Variants in CTR9 observed in about 807,000 individuals in gnomAD.
The protein encoded by CTR9 is CTR9 component of Paf1/RNA polymerase II complex.
A neutral mutation model predicts 152.1 loss-of-function variants in CTR9; 41 were observed. The ratio of observed to expected loss-of-function variants is 0.27; its 90% confidence interval spans 0.21 to 0.35. The LOEUF is 0.35. Among genes scored for constraint, CTR9 ranks in the 10% least tolerant of loss-of-function variants. CTR9 has a pLI of 1.00. For synonymous variants in CTR9, 476 were observed against 496.2 expected, an observed-to-expected ratio of 0.96 and a Z score of 0.54; for missense variants, 917 against 1,424.4, an observed-to-expected ratio of 0.64 and a Z score of 5.73.
chr11:10,773,840 G>GC (rs1863184224), intron 21 of CTR9, among the ~76,000 whole-genome samples, 172 bp from the exon 22 acceptor site: 1 of 139,658 alleles, frequency 7.2e-6, no homozygotes, highest in Non-Finnish European at 1.5e-5. Flanking sequence ...AGCCGAGATT[G>GC]CCCCACTGCA....
Position 10,775,239 on chromosome 11 carries a change from A to G in CTR9, c.2918A>G (p.Asp973Gly). 1.2e-6 allele frequency: 2 copies of G among 1,614,136 alleles called. No homozygotes were observed. Among genetic ancestry groups the G allele is most frequent in the Non-Finnish European group, 1.7e-6 (2 of 1,180,008 alleles). Residue 973 changes from aspartate to glycine, a missense_variant, in exon 23 of 25, where the codon GAT becomes GGT. By Grantham distance (94) the Asp-to-Gly change is moderately conservative. Around this residue, in one of 9 missense-constraint regions of CTR9, gnomAD observed 384 missense variants for 398.4 expected, o/e 0.96. Coordinates refer to ENST00000361367, the MANE Select transcript of CTR9 (RefSeq NM_014633.5). ...AAGGGAGAAGAAGGATCTGATGATG[A>G]TGAAACAGAAAATGGCCCCAAACCA... ...HPKGEEGSDD[D>G]ETENGPKPKK...
At chr11:10,773,000 C>T (rs1346626184) in intron 20 of CTR9, 127 bp from the exon 21 acceptor site, 9 of 1,092,596 alleles carry the variant, frequency 8.2e-6, no homozygotes, top group Admixed American at 7.4e-5. Flanking sequence ...GTACTCCAGT[C>T]TAGGCAACAG....
chr11:10,770,994 G>A (rs966810949), intron 18 of CTR9, among the ~76,000 whole-genome samples: 1 of 152,152 alleles, frequency 6.6e-6, no homozygotes, highest in African/African-American at 2.4e-5. Flanking sequence ...CACTTACGTT[G>A]GTCTTCCATT....
rs72259410 is a variant in CTR9, at chr11:10,775,729, CTTTCTT to C, written c.3095+104_3095+109del. ...TCTGTACTAAGAAAAATATACTTTTCTTTCTTTTTCTTTATAAATAATAAGAGGGGT... is the reference window on the plus strand; with the variant it reads ...TCTGTACTAAGAAAAATATACTTTTCTTTCTTTATAAATAATAAGAGGGGT... On this transcript the variant is annotated intron_variant, in intron 24 of 24. Transcript: ENST00000361367. The C allele has an allele frequency of 0.62, 417,296 of 675,158 alleles. 134,070 individuals carry two copies. The highest frequency in any genetic ancestry group is 0.84 in the East Asian group (27,862 of 33,070). The allele number at this position is 675,158 out of a possible 1,614,324, so 41.8% of individuals were successfully genotyped here.
At position 10,772,658 on chromosome 11, in the gene CTR9, A is replaced by G. The variant is rs769995820; in HGVS notation, c.2580+3A>G. ...GGCAGAAACTTCTTAAAGAACAGGT[A>G]TCTTGTATTTTCCAGTTATACTGGA... On this transcript the variant is annotated splice_donor_region_variant and intron_variant, in intron 20 of 24. Coordinates refer to ENST00000361367, the MANE Select transcript of CTR9 (RefSeq NM_014633.5). 14 of 1,591,656 alleles carry G rather than the reference A, an allele frequency of 8.8e-6. No individual in the cohort carries two copies. Among genetic ancestry groups the G allele is most frequent in the Non-Finnish European group, 1.1e-5 (13 of 1,171,906 alleles).
In CTR9 at chr11:10,763,462, A is replaced by G; in HGVS notation, c.881A>G (p.His294Arg). Residue 294 changes from histidine to arginine, a missense_variant, in exon 8 of 25, where the codon CAT becomes CGT. His to Arg is a conservative substitution (Grantham distance 29, BLOSUM62 0). This residue lies in a region of CTR9 where 16 missense variants were observed against 67.4 expected (regional missense o/e 0.24). Coordinates refer to ENST00000361367, the MANE Select transcript of CTR9 (RefSeq NM_014633.5). ...DYSKVQHLALHAFHNTEVEAM... is the reference protein window; with the variant it reads ...DYSKVQHLALRAFHNTEVEAM... Reference sequence around the variant, plus strand: ...AGTAAAGTCCAGCATCTGGCCCTCCATGCATTCCATAATACAGAAGTGGAA... The same window carrying G: ...AGTAAAGTCCAGCATCTGGCCCTCCGTGCATTCCATAATACAGAAGTGGAA... 1 of 1,612,960 alleles carries G rather than the reference A, an allele frequency of 6.2e-7. No homozygotes were observed. The highest frequency in any genetic ancestry group is 8.5e-7 in the Non-Finnish European group (1 of 1,179,676).
chr11:10,762,527 A>G (rs1466678821), intron 7 of CTR9, among the ~76,000 whole-genome samples: 2 of 152,204 alleles, frequency 1.3e-5, no homozygotes, highest in African/African-American at 4.8e-5. Flanking sequence ...GAAATAGTGT[A>G]TAATATACTT....
chr11:10,775,505 G>A lies in CTR9; in HGVS notation c.2983-16G>A. 3.1e-6 allele frequency: 5 copies of A among 1,598,532 alleles called. No individual in the cohort carries two copies. Among genetic ancestry groups the A allele is most frequent in the Non-Finnish European group, 4.3e-6 (5 of 1,168,238 alleles). On this transcript the variant is annotated splice_polypyrimidine_tract_variant and intron_variant, in intron 23 of 24. Coordinates refer to ENST00000361367, the MANE Select transcript of CTR9 (RefSeq NM_014633.5). ...GTAAGAGTCTTGACTAATCTATTAT[G>A]TTTGACATTCTTTAGCCCAAGCCAG...
chr11:10,761,958 TA>T lies in CTR9; in HGVS notation c.758del (p.Asn253MetfsTer20). On this transcript the variant is annotated frameshift_variant, in exon 7 of 25. Coordinates refer to ENST00000361367, the MANE Select transcript of CTR9 (RefSeq NM_014633.5). LOFTEE classifies it high-confidence loss of function. ...ELNNKEADSIKNGVQLLSRAY... is the reference protein window; with the variant it reads ...ELNNKEADSIXNGVQLLSRAY... Reference sequence around the variant, plus strand: ...ATGTTTTCTTTTAGGCTGATTCCATTAAAAATGGTGTCCAGCTTCTTTCCAG... The same window carrying T: ...ATGTTTTCTTTTAGGCTGATTCCATTAAAATGGTGTCCAGCTTCTTTCCAG... 6.2e-7 allele frequency: 1 copy of T among 1,606,270 alleles called. No homozygotes were observed. The highest frequency in any genetic ancestry group is 1.7e-5 in the Admixed American group (1 of 58,690).
At chr11:10,766,346 T>G in intron 12 of CTR9, 56 bp from the exon 13 acceptor site, 1 of 1,345,716 alleles carries the variant, frequency 7.4e-7, no homozygotes, top group Non-Finnish European at 1.0e-6. Flanking sequence ...GACTTTAAAA[T>G]TATGATCCTT....
intron 22 of CTR9, among the ~76,000 whole-genome samples, chr11:10,774,779 G>T (rs1351057097): frequency 6.6e-6 from 1 of 152,096 alleles, no homozygotes; most frequent in East Asian, 1.9e-4. Flanking sequence ...GACTATATTT[G>T]GGAAAGAACC....
In CTR9 at chr11:10,767,937, C is replaced by A; in HGVS notation, c.1818C>A (p.Ala606=). The A allele has an allele frequency of 2.5e-6, 4 of 1,614,068 alleles. No homozygotes were observed. The highest frequency in any genetic ancestry group is 2.5e-6 in the Non-Finnish European group (3 of 1,180,000). ...STQSDTYSML[A]LGNVWLQTLH... ...AGAGTGATACCTATTCTATGCTAGC[C>A]CTTGGCAACGTGTGGCTCCAAACTT... is the stretch of plus-strand genomic sequence containing the variant. The change falls in exon 14 of 25, where the codon GCC becomes GCA. Residue 606 remains alanine, a synonymous_variant. Coordinates refer to ENST00000361367, the MANE Select transcript of CTR9 (RefSeq NM_014633.5). This position sits in a 1 kb window ranked among gnomAD's most constrained non-coding sequence, Gnocchi z 4.0.
intron 12 of CTR9, among the ~76,000 whole-genome samples, chr11:10,765,569 C>A (rs548484475): frequency 6.6e-6 from 1 of 152,228 alleles, no homozygotes; most frequent in Admixed American, 6.5e-5. Flanking sequence ...TGGAGTGATT[C>A]TCCTGCCTCA....
At chr11:10,761,137 A>T (rs1180918318) in intron 6 of CTR9, among the ~76,000 whole-genome samples, 3 of 152,122 alleles carry the variant, frequency 2.0e-5, no homozygotes, top group African/African-American at 7.2e-5. Flanking sequence ...GAATGTTTTA[A>T]CAGCATCCCG....
rs1312211774 is a variant in CTR9, at chr11:10,758,067, TAGAG to T, written c.592+1235_592+1238del. 3.9e-5 allele frequency among the ~76,000 whole-genome samples: 6 copies of T among 152,026 alleles called. No individual in the cohort carries two copies. In the South Asian group the frequency reaches 8.3e-4, roughly 21 times the overall value. ...AGTAAGGAGGCCATTGTTTCTGGAA[TAGAG>T]AGAGAAAGAGTTGGGGGGAAAGTAG... On this transcript the variant is annotated intron_variant, in intron 5 of 24. Transcript: ENST00000361367.
chr11:10,776,864 T>A (rs1049378247), intron 24 of CTR9, among the ~76,000 whole-genome samples: 1 of 146,566 alleles, frequency 6.8e-6, no homozygotes, highest in Non-Finnish European at 1.5e-5. Context: ...TCCCAGCTAC[T>A]AGGGAGGCTG....
chr11:10,775,682 A>G, intron 24 of CTR9, 49 bp downstream of exon 24: 1 of 1,256,528 alleles, frequency 8.0e-7, no homozygotes, highest in Non-Finnish European at 1.1e-6. Context: ...AGATAAATCA[A>G]AAGTGATTAC....
intron 19 of CTR9, 30 bp from the exon 20 acceptor site, chr11:10,772,490 T>A: frequency 7.2e-7 from 1 of 1,396,548 alleles, no homozygotes; most frequent in Non-Finnish European, 9.4e-7. Context: ...GTAGTTACAT[T>A]CATGTTTCTC....
At chr11:10,777,925 A>G (rs1198456921) in intron 24 of CTR9, among the ~76,000 whole-genome samples, 1 of 152,222 alleles carries the variant, frequency 6.6e-6, no homozygotes, top group African/African-American at 2.4e-5. Flanking sequence ...AGGAGCGGTC[A>G]CCGTGGTTAA....
Sources: gnomAD v4.1 joint callset for allele counts (sites outside exome capture counted in the v4.1 genomes callset) on GRCh38, gnomAD v4.1.1 for gene constraint, gnomAD v4.1.1 regional missense constraint, Gnocchi (gnomAD v3.1) non-coding constraint, MANE v1.5 for transcripts, NCBI Gene and HGNC (gene_info 2026-07-23, HGNC 2026-07-21) for gene names.